Variants in RFPL1 observed in about 807,000 individuals in gnomAD.
RFPL1 encodes ret finger protein like 1, also known as ret finger protein-like 1.
In RFPL1, 6 loss-of-function variants were observed where a neutral mutation model predicts 9.6. That is an observed-to-expected ratio of 0.62 (90% CI 0.34 to 1.23). The LOEUF is 1.23. Ranked by LOEUF, RFPL1 falls within the 50% of genes most tolerant of loss-of-function variation. RFPL1 has a pLI of 0.03. For synonymous variants in RFPL1, 145 were observed against 149.4 expected (o/e 0.97, Z 0.22); for missense variants, 352 against 398.4 (o/e 0.88, Z 0.99).
chr22:29,390,580 A>T, the RFPL1 span, among the ~76,000 whole-genome samples: 66 of 119,700 alleles, frequency 5.5e-4, no homozygotes, highest in Non-Finnish European at 8.8e-4. Flanking sequence ...ACCTTATTCC[A>T]TTTTTATTTA....
chr22:29,426,933 G>A, the RFPL1 span, among the ~76,000 whole-genome samples: 2 of 152,208 alleles, frequency 1.3e-5, no homozygotes, highest in East Asian at 3.8e-4. Flanking sequence ...CAGGGCCATT[G>A]AGAAGGTGGA....
the RFPL1 span, among the ~76,000 whole-genome samples, chr22:29,427,533 T>C: frequency 6.6e-6 from 1 of 152,220 alleles, no homozygotes; most frequent in Non-Finnish European, 1.5e-5. Flanking sequence ...GAAGATGCCT[T>C]TCTCATTCCA....
chr22:29,442,113 G>A (rs772097875), exon 2 of RFPL1: 3 of 1,529,984 alleles, frequency 2.0e-6, no homozygotes, highest in East Asian at 4.6e-5. Flanking sequence ...ATCCTGGGGA[G>A]GCCAAATAAG....
the RFPL1 span, among the ~76,000 whole-genome samples, chr22:29,416,731 G>A: frequency 6.6e-6 from 1 of 152,164 alleles, no homozygotes; most frequent in African/African-American, 2.4e-5. Flanking sequence ...CAAGCTTGGT[G>A]CTAAGAGCTT....
chr22:29,426,547 T>G, the RFPL1 span, among the ~76,000 whole-genome samples: 1 of 151,738 alleles, frequency 6.6e-6, no homozygotes. Context: ...AGGTCAGGAG[T>G]TGAAGACCAG....
the RFPL1 span, among the ~76,000 whole-genome samples, chr22:29,428,307 G>A: frequency 6.6e-6 from 1 of 152,164 alleles, no homozygotes; most frequent in Non-Finnish European, 1.5e-5. Context: ...AAAGCAGCAA[G>A]AGGATATAAC....
chr22:29,390,657 T>C, the RFPL1 span, among the ~76,000 whole-genome samples: 2 of 151,896 alleles, frequency 1.3e-5, no homozygotes, highest in East Asian at 3.9e-4. Flanking sequence ...GTTCAGTGGC[T>C]CGATCTCGGC....
chr22:29,388,593 T>A, the RFPL1 span: 1 of 152,114 alleles, frequency 6.6e-6, no homozygotes, highest in Non-Finnish European at 1.5e-5. Context: ...GTACTTCCGG[T>A]GGACGCAAGG....
At chr22:29,400,408 C>G in the RFPL1 span, among the ~76,000 whole-genome samples, 1 of 152,172 alleles carries the variant, frequency 6.6e-6, no homozygotes, top group Non-Finnish European at 1.5e-5. Flanking sequence ...TTTTGTAAAC[C>G]TCTCCTTTAG....
chr22:29,390,345 T>G, the RFPL1 span, among the ~76,000 whole-genome samples: 4 of 152,080 alleles, frequency 2.6e-5, no homozygotes, highest in Non-Finnish European at 5.9e-5. Flanking sequence ...ATATTACTGG[T>G]TTTTATATTT....
chr22:29,441,609 C>A (rs1373318650), exon 2 of RFPL1: 4 of 1,613,922 alleles, frequency 2.5e-6, no homozygotes, highest in Non-Finnish European at 2.5e-6. Context: ...TCAGGAGCGT[C>A]CGAAGTGGGT....
chr22:29,419,463 T>C, the RFPL1 span, among the ~76,000 whole-genome samples: 1 of 151,734 alleles, frequency 6.6e-6, no homozygotes, highest in East Asian at 1.9e-4. Context: ...AGATGGAAAC[T>C]TGTAGGCCGG....
At chr22:29,441,270 C>T (rs1347278057) in intron 1 of RFPL1, 4 of 465,690 alleles carry the variant, frequency 8.6e-6, no homozygotes, top group East Asian at 3.5e-5. Flanking sequence ...CTTCAGAGAC[C>T]CTCCACTCTA....
the RFPL1 span, among the ~76,000 whole-genome samples, chr22:29,392,384 T>TTTTTG: frequency 1.7e-5 from 1 of 59,720 alleles, no homozygotes; most frequent in South Asian, 5.4e-4. Context: ...CTGGCTTTTT[T>TTTTTG]TTTTTTTTTT....
the RFPL1 span, among the ~76,000 whole-genome samples, chr22:29,391,026 C>T: frequency 6.6e-6 from 1 of 151,716 alleles, no homozygotes; most frequent in African/African-American, 2.4e-5. Flanking sequence ...CCTGTAGTCC[C>T]AGCTACTCAG....
At chr22:29,409,437 A>G in the RFPL1 span, among the ~76,000 whole-genome samples, 1 of 152,190 alleles carries the variant, frequency 6.6e-6, no homozygotes, top group East Asian at 1.9e-4. Flanking sequence ...CACCAAGGAG[A>G]ATGGTCCAGC....
the RFPL1 span, among the ~76,000 whole-genome samples, chr22:29,428,948 C>G: frequency 6.6e-6 from 1 of 152,052 alleles, no homozygotes; most frequent in East Asian, 1.9e-4. Context: ...AAAGCAAGAA[C>G]AAACCAAACC....
At chr22:29,396,014 GAAAGA>G in the RFPL1 span, among the ~76,000 whole-genome samples, 8 of 150,634 alleles carry the variant, frequency 5.3e-5, no homozygotes, top group East Asian at 3.9e-4. Context: ...GAAGAGAAGA[GAAAGA>G]AAAGAGAAGA....
At chr22:29,400,135 A>G in the RFPL1 span, among the ~76,000 whole-genome samples, 2 of 151,576 alleles carry the variant, frequency 1.3e-5, no homozygotes, top group East Asian at 3.9e-4. Context: ...AGCTGGGACT[A>G]CAGGAGCCCG....
Sources: gnomAD v4.1 joint callset for allele counts (sites outside exome capture counted in the v4.1 genomes callset) on GRCh38, gnomAD v4.1.1 for gene constraint, MANE v1.5 for transcripts, NCBI Gene and HGNC (gene_info 2026-07-23, HGNC 2026-07-21) for gene names.